DNAH10: variants seen among roughly 807,000 people sequenced by gnomAD.
DNAH10 encodes axonemal beta dynein heavy chain 10.
In DNAH10, 348 loss-of-function variants were observed where a neutral mutation model predicts 506.6. That is an observed-to-expected ratio of 0.69 (90% CI 0.63 to 0.75). The LOEUF (loss-of-function observed/expected upper bound fraction) is 0.75. Ranked by LOEUF, DNAH10 falls within the 30% of genes least tolerant of loss-of-function variation. The pLI, the probability that DNAH10 is intolerant of heterozygous loss-of-function variation, is 0.00. For synonymous variants in DNAH10, 2,059 were observed against 2,198.6 expected (o/e 0.94, Z 1.78); for missense variants, 5,179 against 5,787.1 (o/e 0.89, Z 3.41).
In DNAH10 at chr12:123,794,119, G is replaced by A. The variant is rs1161571023; in HGVS notation, c.1986+7G>A. ...TGCACAGTACTGTAAAGAGGTAATT[G>A]AAAAATCGATAGCTGCCATAGCATT... is the stretch of plus-strand genomic sequence containing the variant. On this transcript the variant is annotated splice_region_variant and intron_variant, in intron 12 of 78. Coordinates refer to ENST00000673944, the MANE Select transcript of DNAH10 (RefSeq NM_001372106.1). 1.7e-6 allele frequency: 2 copies of A among 1,175,632 alleles called. No homozygotes were observed. The highest frequency in any genetic ancestry group is 3.2e-5 in the African/African-American group (2 of 61,946). 72.8% of individuals were successfully genotyped at this position (1,175,632 alleles called of 1,614,324 possible).
intron 24 of DNAH10, among the ~76,000 whole-genome samples, chr12:123,825,281 A>G (rs1476749404): frequency 1.3e-5 from 2 of 152,220 alleles, no homozygotes; most frequent in African/African-American, 4.8e-5. Flanking sequence ...AGCGAGTCCA[A>G]GGTGTTTACC....
chr12:123,925,139 C>G lies in DNAH10; in HGVS notation c.11856C>G (p.Arg3952=), dbSNP rs764737923. The G allele has an allele frequency of 1.2e-6, 2 of 1,614,046 alleles. No homozygotes were observed. The highest frequency in any genetic ancestry group is 2.7e-5 in the African/African-American group (2 of 75,054). ...ITPFQKLLIL[R]CFRVDRVYRA... is the part of the protein sequence containing the mutation. ...CTTTCCAGAAGTTGCTTATTTTGCG[C>G]TGTTTCCGTGTGGATCGGGTCTATC... Residue 3952 remains arginine, a synonymous_variant, in exon 68 of 79, where the codon CGC becomes CGG. Coordinates refer to ENST00000673944, the MANE Select transcript of DNAH10 (RefSeq NM_001372106.1). This position sits in a 1 kb window ranked among gnomAD's most constrained non-coding sequence, Gnocchi z 4.0.
chr12:123,807,676 C>A (rs1257745110), intron 18 of DNAH10, among the ~76,000 whole-genome samples: 1 of 150,864 alleles, frequency 6.6e-6, no homozygotes, highest in Non-Finnish European at 1.5e-5. Flanking sequence ...CGGCAGGGAG[C>A]TTGCATTTTA....
Position 123,928,089 on chromosome 12 carries a change from G to A in DNAH10, c.12106-298G>A, listed in dbSNP as rs1955025706. ...CAGCCCTGCTCAGGAGTCCTCAGGG[G>A]ACAGGAGCGACTGTGTGGGAGGAGC... On this transcript the variant is annotated intron_variant, in intron 69 of 78. Coordinates refer to ENST00000673944, the MANE Select transcript of DNAH10 (RefSeq NM_001372106.1). The surrounding 1 kb of genome is among the most constrained non-coding windows in gnomAD (Gnocchi z 4.9). The A allele has an allele frequency of 3.8e-6, 2 of 523,192 alleles. No individual in the cohort carries two copies. Among genetic ancestry groups the A allele is most frequent in the South Asian group, 4.5e-5 (2 of 44,662 alleles). 32.4% of individuals were successfully genotyped at this position (523,192 alleles called of 1,614,324 possible).
At chr12:123,777,664 G>A (rs1957489641) in intron 5 of DNAH10, among the ~76,000 whole-genome samples, 1 of 152,014 alleles carries the variant, frequency 6.6e-6, no homozygotes, top group Non-Finnish European at 1.5e-5. Flanking sequence ...ACTTATTTTT[G>A]AGACAGCGTC....
rs1565954726 is a variant in DNAH10 at position 123,826,815 on chromosome 12, C to CAGT, written c.4308_4309insAGT (p.Thr1436_Tyr1437insSer). On this transcript the variant is annotated inframe_insertion, in exon 25 of 79. Transcript: ENST00000673944. ...GGCCAGTCCGTGGCTTATCAGTGAC[C>CAGT]TACTACTTGGAAGCAAAAATGAAGG... 6.2e-7 allele frequency: 1 copy of CAGT among 1,613,986 alleles called. No individual in the cohort carries two copies. Among genetic ancestry groups the CAGT allele is most frequent in the Non-Finnish European group, 8.5e-7 (1 of 1,179,894 alleles).
rs768210997 is a variant in DNAH10, at chr12:123,851,047, C to A, written c.6262C>A (p.Leu2088Ile). 1 of 1,611,578 alleles carries A rather than the reference C, an allele frequency of 6.2e-7. No homozygotes were observed. Among genetic ancestry groups the A allele is most frequent in the East Asian group, 2.2e-5 (1 of 44,808 alleles). The change falls in exon 35 of 79, where the codon CTC becomes ATC. Residue 2088 changes from leucine to isoleucine, a missense_variant. By Grantham distance (5) the Leu-to-Ile change is conservative (BLOSUM62 2). Transcript: ENST00000673944. ...CCTGCAGCAGATCTGTGAGATCATG[C>A]TCTTCTCTGAGGGCTTCCTGGAGGC... ...PDLQQICEIM[L>I]FSEGFLEAKT...
chr12:123,871,509 A>G lies in DNAH10; in HGVS notation c.7692A>G (p.Lys2564=). The G allele has an allele frequency of 5.7e-6, 9 of 1,566,478 alleles. No homozygotes were observed. The highest frequency in any genetic ancestry group is 7.8e-6 in the Non-Finnish European group (9 of 1,154,144). The change falls in exon 45 of 79, where the codon AAA becomes AAG. Residue 2564 remains lysine, a synonymous_variant. Transcript: ENST00000673944. ...RTTWILEQMV[K]IKQPVIFVGE... ...CCTGGATATTGGAACAAATGGTTAA[A>G]ATTAAGCAACCTGTTATTTTTGTTG... is the stretch of plus-strand genomic sequence containing the variant.
rs1294457943 is a variant in DNAH10, at chr12:123,843,393, T to A, written c.5360+1848T>A. On this transcript the variant is annotated intron_variant, in intron 30 of 78. Transcript: ENST00000673944. ...TCTGATTCTAGGTTTGTCGCGTCCT[T>A]TACAAGGCCCGTCTTTGTTCATCAT... is the stretch of plus-strand genomic sequence containing the variant. Among the ~76,000 whole-genome samples, 7 of 152,156 alleles carry A rather than the reference T, an allele frequency of 4.6e-5. No homozygotes were observed. The East Asian group carries it at 1.3e-3, about 29-fold the overall frequency.
At position 123,826,918 on chromosome 12, in the gene DNAH10, C is replaced by T. The variant is rs374886686; in HGVS notation, c.4391+20C>T. 9.4e-6 allele frequency: 15 copies of T among 1,593,198 alleles called. No individual in the cohort carries two copies. The highest frequency in any genetic ancestry group is 7.0e-5 in the Admixed American group (4 of 57,236). The stretch of plus-strand genomic sequence containing the variant: ...AGACAGGTTTGTTTTGTCCTCTGTC[C>T]GCAGATGTAAAAGTGTGGGAGGAGC... On this transcript the variant is annotated intron_variant, in intron 25 of 78. Coordinates refer to ENST00000673944, the MANE Select transcript of DNAH10 (RefSeq NM_001372106.1).
Position 123,875,475 on chromosome 12 carries a change from T to C in DNAH10, c.8183T>C (p.Leu2728Pro). ...ESLHLIYSSI[L>P]KGHTSTFHES... ...CTGCATTTAATTTATTCCTCCATCC[T>C]GAAAGGCCACACCTCGGTAACTTGA... The change falls in exon 47 of 79, where the codon CTG (leucine) becomes CCG (proline). Residue 2728 changes from leucine (L) to proline (P), a missense_variant. By Grantham distance (98) the Leu-to-Pro change is moderately conservative (BLOSUM62 -3). Around this residue, in one of 3 missense-constraint regions of DNAH10, gnomAD observed 4,844 missense variants for 5,430.5 expected, o/e 0.89. Coordinates refer to ENST00000673944, the MANE Select transcript of DNAH10 (RefSeq NM_001372106.1). 6.2e-7 allele frequency: 1 copy of C among 1,613,938 alleles called. No homozygotes were observed. The highest frequency in any genetic ancestry group is 8.5e-7 in the Non-Finnish European group (1 of 1,179,794).
chr12:123,786,032 A>G, intron 9 of DNAH10, 96 bp downstream of exon 9: 1 of 1,297,014 alleles, frequency 7.7e-7, no homozygotes, highest in Non-Finnish European at 1.0e-6. Flanking sequence ...TTCACATATA[A>G]TTCTCTTACT....
chr12:123,914,509 C>T lies in DNAH10; in HGVS notation c.10533C>T (p.Phe3511=), dbSNP rs749966128. The change falls in exon 61 of 79, where the codon TTC becomes TTT. Residue 3511 remains phenylalanine (F), a synonymous_variant. Coordinates refer to ENST00000673944, the MANE Select transcript of DNAH10 (RefSeq NM_001372106.1). ...GGGAGATCCCCCTGAGCCAGCCTTT[C>T]CGGCTGGAAAGCCTGCTCACGGATG... ...LEREIPLSQP[F]RLESLLTDDV... is the part of the protein sequence containing the mutation. 1.2e-5 allele frequency: 20 copies of T among 1,613,664 alleles called. No individual in the cohort carries two copies. The highest frequency in any genetic ancestry group is 1.5e-5 in the Non-Finnish European group (18 of 1,179,868).
intron 9 of DNAH10, among the ~76,000 whole-genome samples, chr12:123,786,740 C>T (rs2136199152): frequency 4.3e-5 from 1 of 23,198 alleles, no homozygotes; most frequent in East Asian, 1.2e-3. Context: ...CCCAGTTGTA[C>T]CTGGAGAGAC....
intron 61 of DNAH10, 89 bp downstream of exon 61, chr12:123,914,639 T>TG: frequency 6.9e-7 from 1 of 1,456,600 alleles, no homozygotes; most frequent in Non-Finnish European, 9.2e-7. Context: ...GGCAATGGCC[T>TG]GGGGGGCATC....
intron 12 of DNAH10, among the ~76,000 whole-genome samples, chr12:123,796,238 C>T (rs1958272535): frequency 6.6e-6 from 1 of 152,096 alleles, no homozygotes; most frequent in Non-Finnish European, 1.5e-5. Flanking sequence ...GGGCAGATCA[C>T]CTGAGGTCAG....
chr12:123,898,023 T>C, intron 55 of DNAH10, 56 bp downstream of exon 55: 1 of 1,452,496 alleles, frequency 6.9e-7, no homozygotes, highest in South Asian at 1.5e-5. Flanking sequence ...TGGGTAAGGA[T>C]TCGAGCGCTG....
chr12:123,793,893 G>A (rs780780577), intron 11 of DNAH10, 49 bp from the exon 12 acceptor site: 30 of 1,098,672 alleles, frequency 2.7e-5, no homozygotes, highest in Non-Finnish European at 3.3e-5. Context: ...CTTTATTTTG[G>A]CAGGATAATT....
Position 123,902,867 on chromosome 12 carries a change from T to G in DNAH10, c.9641-72T>G. 6.7e-7 allele frequency: 1 copy of G among 1,489,026 alleles called. No homozygotes were observed. Among genetic ancestry groups the G allele is most frequent in the Non-Finnish European group, 9.0e-7 (1 of 1,113,332 alleles). The allele number at this position is 1,489,026 out of a possible 1,614,324, so 92.2% of individuals were successfully genotyped here. On this transcript the variant is annotated intron_variant, in intron 56 of 78. Coordinates refer to ENST00000673944, the MANE Select transcript of DNAH10 (RefSeq NM_001372106.1). The surrounding 1 kb of genome is among the most constrained non-coding windows in gnomAD (Gnocchi z 4.5). ...AAGCCAACCTTTGAGGACTGCACTC[T>G]GCTCAGAGCCGGGGCCGCGAGTGCA...
Sources: allele counts gnomAD v4.1 joint callset (sites outside exome capture counted in the v4.1 genomes callset), GRCh38; gene constraint gnomAD v4.1.1; regional missense constraint gnomAD v4.1.1; non-coding constraint Gnocchi (gnomAD v3.1); transcripts MANE v1.5; gene names NCBI Gene and HGNC (gene_info 2026-07-23, HGNC 2026-07-21).